The following NLGN1 variants were observed in gnomAD, a reference collection of about 807,000 sequenced individuals.
The protein encoded by NLGN1 is neuroligin-1.
NLGN1 carries 12 observed loss-of-function variants against 65.5 expected under a neutral mutation model. The observed-to-expected ratio is 0.18, with a 90% CI of 0.12 to 0.30. NLGN1 has a LOEUF of 0.30. Ranked by LOEUF, NLGN1 falls within the 10% of genes least tolerant of loss-of-function variation. NLGN1 has a pLI of 1.00. For synonymous variants in NLGN1, 350 were observed against 359.5 expected (o/e 0.97, Z 0.30); for missense variants, 750 against 1,007.1 (o/e 0.74, Z 3.46).
At position 173,801,119 on chromosome 3, in the gene NLGN1, A is replaced by G. The variant is rs1335386228; in HGVS notation, c.494-6561A>G. On this transcript the variant is annotated intron_variant, in intron 3 of 6. Coordinates refer to ENST00000457714, the Ensembl canonical transcript of NLGN1. Reference sequence around the variant, plus strand: ...AAATATTCTGATTTTCAAACATTGCAACTATAAGCAATAGAATATTTTCTA... The same window carrying G: ...AAATATTCTGATTTTCAAACATTGCGACTATAAGCAATAGAATATTTTCTA... Among the ~76,000 whole-genome samples, 7 of 151,984 alleles carry G rather than the reference A, an allele frequency of 4.6e-5. No individual in the cohort carries two copies. In the East Asian group the frequency reaches 1.3e-3, roughly 29 times the overall value.
intron 4 of NLGN1, among the ~76,000 whole-genome samples, chr3:174,107,011 CACACACAGAGAGAGAGAG>C (rs1392159971): frequency 2.6e-5 from 3 of 115,192 alleles, no homozygotes; most frequent in Middle Eastern, 4.3e-3. Flanking sequence ...CACACACACA[CACACACAGAGAGAGAGAG>C]AGAGAGAGAG....
At chr3:174,264,275 T>C (rs1264850) in intron 4 of NLGN1, among the ~76,000 whole-genome samples, 2 of 150,734 alleles carry the variant, frequency 1.3e-5, no homozygotes, top group South Asian at 4.2e-4. Context: ...TCCTGCAGAG[T>C]GTTTTCCAAC....
chr3:174,225,408 G>A (rs1739437330), intron 4 of NLGN1, among the ~76,000 whole-genome samples: 1 of 152,102 alleles, frequency 6.6e-6, no homozygotes, highest in African/African-American at 2.4e-5. Flanking sequence ...GATATAACAT[G>A]TCTTATACTA....
intron 2 of NLGN1, among the ~76,000 whole-genome samples, chr3:173,452,173 A>G (rs962530285): frequency 6.6e-6 from 1 of 151,212 alleles, no homozygotes; most frequent in Non-Finnish European, 1.5e-5. Flanking sequence ...TGTAGACTGG[A>G]GCTGTTCCTA....
intron 4 of NLGN1, among the ~76,000 whole-genome samples, chr3:174,044,323 T>C (rs140779272): frequency 5.6e-4 from 86 of 152,320 alleles, no homozygotes; most frequent in African/African-American, 1.9e-3. Context: ...TCCAGCCAGC[T>C]TGAATTTCTC....
intron 4 of NLGN1, among the ~76,000 whole-genome samples, chr3:174,127,731 C>G (rs1395578378): frequency 1.3e-5 from 2 of 152,080 alleles, no homozygotes; most frequent in East Asian, 3.9e-4. Flanking sequence ...AATTTTCTTC[C>G]CAACTTTATC....
chr3:173,575,479 G>A (rs1745367263), intron 2 of NLGN1, among the ~76,000 whole-genome samples: 1 of 152,026 alleles, frequency 6.6e-6, no homozygotes, highest in South Asian at 2.1e-4. Flanking sequence ...GTTACCTTCA[G>A]GCATTCTTAT....
chr3:173,923,082 C>T (rs1742351927), intron 4 of NLGN1, among the ~76,000 whole-genome samples: 1 of 150,290 alleles, frequency 6.7e-6, no homozygotes, highest in African/African-American at 2.5e-5. Flanking sequence ...ACCTACAAAG[C>T]CAAAAGGTAA....
chr3:173,685,398 C>T (rs570590730), intron 3 of NLGN1, among the ~76,000 whole-genome samples: 4 of 152,228 alleles, frequency 2.6e-5, no homozygotes, highest in African/African-American at 7.2e-5. Flanking sequence ...AAGAGCTAAA[C>T]GTGTTTTAAA....
intron 4 of NLGN1, among the ~76,000 whole-genome samples, chr3:174,010,014 A>T (rs1725211163): frequency 6.6e-6 from 1 of 152,182 alleles, no homozygotes; most frequent in African/African-American, 2.4e-5. Flanking sequence ...AAGAACTTTA[A>T]TCAATGTACT....
intron 3 of NLGN1, among the ~76,000 whole-genome samples, chr3:173,718,326 A>G (rs559525676): frequency 2.7e-4 from 41 of 152,122 alleles, no homozygotes; most frequent in Non-Finnish European, 5.3e-4. Flanking sequence ...TCTGGTAACC[A>G]TCATTCTACT....
intron 4 of NLGN1, among the ~76,000 whole-genome samples, chr3:173,825,013 A>G (rs761744481): frequency 3.0e-4 from 46 of 152,116 alleles, no homozygotes; most frequent in Non-Finnish European, 6.2e-4. Flanking sequence ...ACAATCTGGC[A>G]GCCCTAAAGT....
At chr3:173,839,611 T>C (rs896486802) in intron 4 of NLGN1, among the ~76,000 whole-genome samples, 28 of 151,996 alleles carry the variant, frequency 1.8e-4, no homozygotes, top group Non-Finnish European at 3.8e-4. Flanking sequence ...TTAGTAGAGA[T>C]GGGGTTTTAC....
At chr3:174,151,872 T>A (rs1724421785) in intron 4 of NLGN1, among the ~76,000 whole-genome samples, 1 of 152,098 alleles carries the variant, frequency 6.6e-6, no homozygotes, top group Admixed American at 6.6e-5. Context: ...ACAAAAAAAA[T>A]TATTTTAAAA....
intron 3 of NLGN1, among the ~76,000 whole-genome samples, chr3:173,794,045 T>C (rs1407749847): frequency 6.6e-6 from 1 of 152,028 alleles, no homozygotes; most frequent in African/African-American, 2.4e-5. Context: ...GCTTCCTCTC[T>C]TTTGGGGCCT....
chr3:173,893,091 G>C (rs75513739), intron 4 of NLGN1, among the ~76,000 whole-genome samples: 1,718 of 152,186 alleles, frequency 0.011, 37 homozygotes, highest in African/African-American at 0.036. Flanking sequence ...GAAATCAGGC[G>C]CAGAAAATCA....
chr3:173,423,134 G>T (rs1715422256), intron 1 of NLGN1, among the ~76,000 whole-genome samples: 2 of 152,142 alleles, frequency 1.3e-5, no homozygotes, highest in African/African-American at 4.8e-5. Context: ...TAAACCATCA[G>T]ATCTCACGAG....
At chr3:173,576,792 C>T (rs115548372) in intron 2 of NLGN1, among the ~76,000 whole-genome samples, 12 of 151,976 alleles carry the variant, frequency 7.9e-5, no homozygotes, top group African/African-American at 1.7e-4. Flanking sequence ...ACATCTGTGG[C>T]GGGGGAGGGT....
At chr3:173,944,653 C>G (rs1025772851) in intron 4 of NLGN1, among the ~76,000 whole-genome samples, 2 of 152,190 alleles carry the variant, frequency 1.3e-5, no homozygotes, top group African/African-American at 4.8e-5. Context: ...ATCATCAACT[C>G]AGGTTCAACT....
Sources: gnomAD v4.1 joint callset for allele counts (sites outside exome capture counted in the v4.1 genomes callset) on GRCh38, gnomAD v4.1.1 for gene constraint, MANE v1.5 for transcripts, NCBI Gene and HGNC (gene_info 2026-07-23, HGNC 2026-07-21) for gene names.